The following ECE1 variants were observed in gnomAD, a reference collection of about 807,000 sequenced individuals.
ECE1 encodes the protein endothelin-converting enzyme 1.
ECE1 carries 35 observed loss-of-function variants against 98.6 expected under a neutral mutation model. That is an observed-to-expected ratio of 0.35 (90% CI 0.27 to 0.47). The LOEUF is 0.47. Among genes scored for constraint, ECE1 ranks in the 20% least tolerant of loss-of-function variants. The pLI, the probability that ECE1 is intolerant of heterozygous loss-of-function variation, is 1.00. For missense variants in ECE1, 814 were observed against 1,025.3 expected, an observed-to-expected ratio of 0.79 and a Z score of 2.81; for synonymous variants, 394 against 407.1, an observed-to-expected ratio of 0.97 and a Z score of 0.39.
In ECE1 at chr1:21,307,834, C is replaced by A. The variant is rs189976557; in HGVS notation, c.4-17678G>T. On this transcript the variant is annotated intron_variant, in intron 1 of 18. Coordinates refer to the ECE1 transcript ENST00000415912. The surrounding 1 kb of genome is among the most constrained non-coding windows in gnomAD (Gnocchi z 4.2). ...AGGCACAGGAAAGAGGCCCTGCCCC[C>A]TTGAGAGGGAGGCCCTGCCCCCTTG... 6.6e-6 allele frequency among the ~76,000 whole-genome samples: 1 copy of A among 152,180 alleles called. No homozygotes were observed. Among genetic ancestry groups the A allele is most frequent in the East Asian group, 1.9e-4 (1 of 5,170 alleles).
At position 21,274,203 on chromosome 1, in the gene ECE1, C is replaced by T. The variant is rs540545209; in HGVS notation, c.281-1292G>A. ...AAGGTCGCCCAGCTATGTGGGAGGG[C>T]GGAGAGCTGAGAGCTGGGCCCAGGC... On this transcript the variant is annotated intron_variant, in intron 3 of 18. Coordinates refer to ENST00000374893, the MANE Select transcript of ECE1 (RefSeq NM_001397.3). Among the ~76,000 whole-genome samples, 99 of 152,308 alleles carry T rather than the reference C, an allele frequency of 6.5e-4. 2 individuals carry two copies. Among genetic ancestry groups the T allele is most frequent in the Non-Finnish European group, 3.8e-4 (26 of 68,028 alleles).
chr1:21,237,409 A>G (rs2098189752), intron 11 of ECE1, among the ~76,000 whole-genome samples: 1 of 152,182 alleles, frequency 6.6e-6, no homozygotes, highest in Non-Finnish European at 1.5e-5. Flanking sequence ...CAACAAGAGC[A>G]GAGGGGCCAG....
intron 1 of ECE1, among the ~76,000 whole-genome samples, chr1:21,315,710 C>T (rs1165601351): frequency 6.7e-6 from 1 of 148,510 alleles, no homozygotes; most frequent in African/African-American, 2.5e-5. Context: ...GTGAGAATCA[C>T]TTGAACCCAG....
intron 4 of ECE1, among the ~76,000 whole-genome samples, chr1:21,270,336 T>G (rs1165408439): frequency 6.6e-6 from 1 of 152,242 alleles, no homozygotes; most frequent in African/African-American, 2.4e-5. Context: ...CGGACATCCG[T>G]GTCTCTCCTT....
At chr1:21,326,075 G>A (rs11579895) in intron 1 of ECE1, among the ~76,000 whole-genome samples, 13 of 152,170 alleles carry the variant, frequency 8.5e-5, no homozygotes, top group African/African-American at 3.1e-4. Context: ...GGGGACCAGG[G>A]GGCTGGGCCT....
At chr1:21,308,770 G>A (rs866953207) in intron 1 of ECE1, among the ~76,000 whole-genome samples, 4 of 152,180 alleles carry the variant, frequency 2.6e-5, no homozygotes, top group Middle Eastern at 3.4e-3. Context: ...GGGCCTGAGC[G>A]AATGCTGCAA....
rs1462461556 is a variant in ECE1 at position 21,255,959 on chromosome 1, T to C, written c.1008A>G (p.Ala336=). The C allele has an allele frequency of 6.2e-7, 1 of 1,614,116 alleles. No homozygotes were observed. Among genetic ancestry groups the C allele is most frequent in the Admixed American group, 1.7e-5 (1 of 60,028 alleles). ...GCGCTCAAGTTACCTGCAGCTCGGC[T>C]GCCGTCACTTTGTGGTAGATGAGCT... ...DEELIYHKVT[A]AELQTLAPAI... is the part of the protein sequence containing the mutation. Residue 336 remains alanine (A), a synonymous_variant, in exon 8 of 19, where the codon GCA becomes GCG. Coordinates refer to ENST00000374893, the MANE Select transcript of ECE1 (RefSeq NM_001397.3).
At chr1:21,293,967 G>T (rs887784816), upstream of ECE1, 1 of 152,490 alleles carries the variant, frequency 6.6e-6, no homozygotes, top group Non-Finnish European at 1.5e-5. Context: ...CATCACCTCC[G>T]CTTTACAAAT....
At chr1:21,286,095 TAAC>T (rs761116903) in intron 2 of ECE1, among the ~76,000 whole-genome samples, 271 of 152,318 alleles carry the variant, frequency 1.8e-3, no homozygotes, top group Non-Finnish European at 3.4e-3. Flanking sequence ...CTTTTTTTCT[TAAC>T]AACAACAAAA....
intron 17 of ECE1, among the ~76,000 whole-genome samples, chr1:21,224,110 C>T (rs2098170818): frequency 6.6e-6 from 1 of 152,168 alleles, no homozygotes. Flanking sequence ...AGTTCGTGGC[C>T]TCTGCACTTG....
intron 8 of ECE1, among the ~76,000 whole-genome samples, chr1:21,251,731 AT>A (rs1209479295): frequency 6.6e-6 from 1 of 152,196 alleles, no homozygotes; most frequent in Non-Finnish European, 1.5e-5. Context: ...CTGGATCAGC[AT>A]CCCCAGGAGG....
At chr1:21,246,178 T>A (rs1450047520) in intron 9 of ECE1, among the ~76,000 whole-genome samples, 8 of 152,122 alleles carry the variant, frequency 5.3e-5, no homozygotes, top group Non-Finnish European at 7.4e-5. Context: ...TCCCTATTTT[T>A]TTGGTAGTTT....
chr1:21,336,216 CA>C (rs1056150553), intron 1 of ECE1, among the ~76,000 whole-genome samples: 2 of 151,996 alleles, frequency 1.3e-5, no homozygotes, highest in African/African-American at 2.4e-5. Flanking sequence ...CTTGTCTCTA[CA>C]AAAAAATATC....
chr1:21,245,447 T>C (rs918904150), intron 9 of ECE1, among the ~76,000 whole-genome samples: 4 of 152,078 alleles, frequency 2.6e-5, no homozygotes, highest in East Asian at 1.9e-4. Flanking sequence ...AGGGCTGGGC[T>C]GGAGAGGTGA....
At chr1:21,326,741 G>A (rs1421717060) in intron 1 of ECE1, among the ~76,000 whole-genome samples, 2 of 152,128 alleles carry the variant, frequency 1.3e-5, no homozygotes, top group Non-Finnish European at 2.9e-5. Context: ...TGACATCAGG[G>A]AAGAAAACAG....
intron 2 of ECE1, among the ~76,000 whole-genome samples, chr1:21,282,076 C>T (rs1274489230): frequency 6.6e-6 from 1 of 151,698 alleles, no homozygotes; most frequent in Non-Finnish European, 1.5e-5. Flanking sequence ...GGCTTGAGCC[C>T]AGGAGTTCAA....
At chr1:21,297,530 C>CTTTTT (rs768958507) in intron 1 of ECE1, among the ~76,000 whole-genome samples, 11 of 116,190 alleles carry the variant, frequency 9.5e-5, no homozygotes, top group East Asian at 7.4e-4. Flanking sequence ...TTTTCTTTTT[C>CTTTTT]TTTTTTTTTT....
At chr1:21,301,514 A>G (rs1471083310) in intron 1 of ECE1, among the ~76,000 whole-genome samples, 2 of 149,068 alleles carry the variant, frequency 1.3e-5, no homozygotes, top group African/African-American at 2.5e-5. Context: ...AAACAAACAA[A>G]CAAACAAAAA....
intron 1 of ECE1, among the ~76,000 whole-genome samples, chr1:21,309,602 G>T (rs891395174): frequency 7.9e-5 from 12 of 152,134 alleles, no homozygotes; most frequent in African/African-American, 2.9e-4. Context: ...AGCAGGTCAT[G>T]ATCACATCCT....
Sources: allele counts gnomAD v4.1 joint callset (sites outside exome capture counted in the v4.1 genomes callset), GRCh38; gene constraint gnomAD v4.1.1; non-coding constraint Gnocchi (gnomAD v3.1); transcripts MANE v1.5; gene names NCBI Gene and HGNC (gene_info 2026-07-23, HGNC 2026-07-21).